OARD1: variants seen among roughly 807,000 people sequenced by gnomAD.
OARD1 encodes O-acyl-ADP-ribose deacylase 1.
A neutral mutation model predicts 19.7 loss-of-function variants in OARD1; 19 were observed. That is an observed-to-expected ratio of 0.96 (90% CI 0.67 to 1.41). The LOEUF is 1.41. OARD1 is among the 40% of genes most tolerant of loss of function. OARD1 has a pLI of 0.00. For synonymous variants in OARD1, 70 were observed against 61.8 expected (o/e 1.13, Z -0.62); for missense variants, 190 against 183.8 (o/e 1.03, Z -0.20).
intron 1 of OARD1, among the ~76,000 whole-genome samples, chr6:41,085,503 G>A (rs561599408): frequency 1.4e-4 from 22 of 152,218 alleles, no homozygotes; most frequent in African/African-American, 5.3e-4. Context: ...AACCCCCCAT[G>A]AGTATATGTT....
chr6:41,082,363 G>T (rs1174703851), intron 1 of OARD1, among the ~76,000 whole-genome samples: 1 of 152,114 alleles, frequency 6.6e-6, no homozygotes, highest in Non-Finnish European at 1.5e-5. Flanking sequence ...ACAGTATTTT[G>T]GATTGTCATT....
intron 1 of OARD1, chr6:41,079,232 G>A: frequency 6.9e-7 from 1 of 1,443,784 alleles, no homozygotes; most frequent in Non-Finnish European, 9.7e-7. Flanking sequence ...CAATTGGTTG[G>A]TCTATTGCCC....
chr6:41,066,316 T>G lies in OARD1; in HGVS notation c.*1019A>C, dbSNP rs1763006063. On this transcript the variant is annotated 3_prime_UTR_variant, in exon 6 of 6. Coordinates refer to ENST00000424266, the MANE Select transcript of OARD1 (RefSeq NM_001329686.2). ...TAATTTTTAATTTCTTTTTTTTTTG[T>G]AGAGACAGGGTCTCGCTATGTTAAC... is the stretch of plus-strand genomic sequence containing the variant. 1 of 151,842 alleles carries G rather than the reference T, an allele frequency of 6.6e-6. No homozygotes were observed. The highest frequency in any genetic ancestry group is 1.5e-5 in the Non-Finnish European group (1 of 68,008). The allele number at this position is 151,842 out of a possible 1,614,324, so 9.4% of individuals were successfully genotyped here. A position where few individuals can be genotyped will look rare whatever the true frequency, so the allele number is the denominator to read the frequency against.
chr6:41,089,590 C>A lies in OARD1; in HGVS notation c.-42+8123G>T, dbSNP rs757926458. On this transcript the variant is annotated intron_variant, in intron 1 of 4. Transcript: ENST00000480585. ...GTTCTTTTCTGCAGATACAGTTGGT[C>A]CCACCTGGACAGATCCAGATCCAGG... The A allele has an allele frequency of 2.5e-6, 4 of 1,606,416 alleles. No homozygotes were observed. The Admixed American group carries it at 6.8e-5, about 27-fold the overall frequency.
At chr6:41,090,082 T>G (rs1387186686) in intron 1 of OARD1, 1 of 654,962 alleles carries the variant, frequency 1.5e-6, no homozygotes, top group Non-Finnish European at 2.6e-6. Flanking sequence ...TGCACTGCAC[T>G]CCAGCCTGGC....
intron 1 of OARD1, chr6:41,083,992 A>G: frequency 6.6e-7 from 1 of 1,504,174 alleles, no homozygotes; most frequent in Non-Finnish European, 8.9e-7. Context: ...TCTTTTGGTA[A>G]AAACCATTTT....
intron 1 of OARD1, among the ~76,000 whole-genome samples, chr6:41,084,631 TGAGA>T (rs1012132573): frequency 6.6e-6 from 1 of 152,192 alleles, no homozygotes; most frequent in Non-Finnish European, 1.5e-5. Context: ...AAACACTGAT[TGAGA>T]AACAGAAAAC....
intron 4 of OARD1, chr6:41,069,808 G>T: frequency 2.2e-6 from 1 of 450,674 alleles, no homozygotes; most frequent in Non-Finnish European, 4.0e-6. Context: ...CCTAACTTTT[G>T]CAAGTCTTAG....
chr6:41,093,256 T>G (rs1305948313), intron 1 of OARD1, among the ~76,000 whole-genome samples: 1 of 152,234 alleles, frequency 6.6e-6, no homozygotes, highest in Non-Finnish European at 1.5e-5. Context: ...GCAGCTGCAG[T>G]TATAATAACG....
intron 1 of OARD1, among the ~76,000 whole-genome samples, chr6:41,078,808 GC>G (rs1763815308): frequency 6.6e-6 from 1 of 152,190 alleles, no homozygotes; most frequent in African/African-American, 2.4e-5. Context: ...AGGTAAGGTT[GC>G]CAGTATACTG....
chr6:41,074,208 T>A (rs62396284), upstream of OARD1, among the ~76,000 whole-genome samples: 11,206 of 152,314 alleles, frequency 0.074, 539 homozygotes, highest in Middle Eastern at 0.13. Flanking sequence ...TGATACACTT[T>A]CAAGTCCTGT....
rs1582021172 is a variant in OARD1, at chr6:41,077,798, A to G, written c.-41-6123T>C. On this transcript the variant is annotated intron_variant, in intron 1 of 4. Transcript: ENST00000480585. ...TAGAAATTTACCTAGCGAGCATTCC[A>G]TTAGATCAAGGGCAGTGCTTTGGAG... is the stretch of plus-strand genomic sequence containing the variant. Among the ~76,000 whole-genome samples the G allele has an allele frequency of 2.0e-5, 3 of 152,186 alleles. No individual in the cohort carries two copies. The South Asian group carries it at 6.2e-4, about 31-fold the overall frequency.
At chr6:41,080,962 G>C in intron 1 of OARD1, 1 of 1,319,972 alleles carries the variant, frequency 7.6e-7, no homozygotes, top group South Asian at 1.2e-5. Context: ...GTCTGGTGCT[G>C]TTTGTGTTAG....
At chr6:41,083,061 ATATTC>A (rs1193367406) in intron 1 of OARD1, among the ~76,000 whole-genome samples, 2 of 152,236 alleles carry the variant, frequency 1.3e-5, no homozygotes, top group African/African-American at 4.8e-5. Flanking sequence ...TCAGTCATGA[ATATTC>A]TGTTCTAAGT....
intron 5 of OARD1, among the ~76,000 whole-genome samples, chr6:41,067,880 A>G (rs1025553255): frequency 1.3e-5 from 2 of 152,162 alleles, no homozygotes; most frequent in Non-Finnish European, 2.9e-5. Flanking sequence ...GTCAAGAGGG[A>G]ATGCTGGGAA....
At chr6:41,083,681 C>T (rs1763968314) in intron 1 of OARD1, among the ~76,000 whole-genome samples, 1 of 152,214 alleles carries the variant, frequency 6.6e-6, no homozygotes, top group Non-Finnish European at 1.5e-5. Context: ...ATTGCCTTCT[C>T]TCCAGCCTTC....
At chr6:41,080,922 G>A (rs1763887899) in intron 1 of OARD1, 1 of 1,582,084 alleles carries the variant, frequency 6.3e-7, no homozygotes, top group Non-Finnish European at 8.7e-7. Flanking sequence ...GATTCTCTGT[G>A]AGCACTGCAT....
upstream of OARD1, among the ~76,000 whole-genome samples, chr6:41,075,949 G>C (rs1763721844): frequency 6.6e-6 from 1 of 152,206 alleles, no homozygotes; most frequent in South Asian, 2.1e-4. Flanking sequence ...TTAGTGGAGA[G>C]AAGTGCATTA....
At chr6:41,075,720 G>T (rs1278368135), upstream of OARD1, 1 of 118,826 alleles carries the variant, frequency 8.4e-6, no homozygotes, top group Non-Finnish European at 1.7e-5. Context: ...GAAAAAAAAA[G>T]TTCAAGTAGT....
Sources: gnomAD v4.1 joint callset for allele counts (sites outside exome capture counted in the v4.1 genomes callset) on GRCh38, gnomAD v4.1.1 for gene constraint, MANE v1.5 for transcripts, NCBI Gene and HGNC (gene_info 2026-07-23, HGNC 2026-07-21) for gene names.